ZNF385D: variants seen among roughly 807,000 people sequenced by gnomAD.
The protein encoded by ZNF385D is zinc finger protein 385D.
A neutral mutation model predicts 35.8 loss-of-function variants in ZNF385D; 15 were observed. That is an observed-to-expected ratio of 0.42 (90% CI 0.28 to 0.64). The LOEUF (loss-of-function observed/expected upper bound fraction) is 0.64, where lower values mean the gene tolerates loss of function less well. Ranked by LOEUF, ZNF385D falls within the 30% of genes least tolerant of loss-of-function variation. The pLI is 0.23. For missense variants in ZNF385D, 474 were observed against 494.6 expected, an observed-to-expected ratio of 0.96 and a Z score of 0.39; for synonymous variants, 212 against 186.8, an observed-to-expected ratio of 1.13 and a Z score of -1.10.
intron 2 of ZNF385D, among the ~76,000 whole-genome samples, chr3:22,279,576 A>G (rs1343153594): frequency 1.4e-5 from 2 of 145,718 alleles, no homozygotes; most frequent in African/African-American, 2.6e-5. Flanking sequence ...ATATATGTAT[A>G]TACATATACA....
At chr3:21,968,499 G>T (rs1457518242) in intron 3 of ZNF385D, among the ~76,000 whole-genome samples, 6 of 148,806 alleles carry the variant, frequency 4.0e-5, no homozygotes, top group Admixed American at 4.0e-4. Flanking sequence ...AAGTCCTAGA[G>T]CCTCATTCCT....
intron 2 of ZNF385D, among the ~76,000 whole-genome samples, chr3:22,304,990 G>A (rs566761667): frequency 6.6e-6 from 1 of 151,876 alleles, no homozygotes; most frequent in East Asian, 1.9e-4. Flanking sequence ...TGTCAATTTT[G>A]CTTTTTATTA....
chr3:21,858,128 C>T (rs1186232608), intron 3 of ZNF385D, among the ~76,000 whole-genome samples: 2 of 144,072 alleles, frequency 1.4e-5, no homozygotes, highest in Non-Finnish European at 3.0e-5. Flanking sequence ...TGCTACTGCA[C>T]TCATGCCTGG....
At chr3:22,361,825 TA>T (rs1465248672) in intron 2 of ZNF385D, among the ~76,000 whole-genome samples, 1 of 151,816 alleles carries the variant, frequency 6.6e-6, no homozygotes, top group Admixed American at 6.6e-5. Flanking sequence ...CTTCCTTATC[TA>T]AAAAAAGAAA....
intron 3 of ZNF385D, among the ~76,000 whole-genome samples, chr3:22,019,815 T>C (rs1174647300): frequency 2.0e-5 from 3 of 151,810 alleles, no homozygotes; most frequent in Admixed American, 6.6e-5. Flanking sequence ...TTGAAAATTA[T>C]TGAGAACCTT....
intron 3 of ZNF385D, chr3:21,942,789 G>C (rs572216729): frequency 9.2e-5 from 14 of 152,272 alleles, no homozygotes; most frequent in Admixed American, 5.9e-4. Flanking sequence ...ACTTCTATTG[G>C]CAGTTCTTTA....
intron 1 of ZNF385D, among the ~76,000 whole-genome samples, chr3:21,742,899 T>C (rs2069586852): frequency 6.6e-6 from 1 of 152,194 alleles, no homozygotes; most frequent in South Asian, 2.1e-4. Context: ...ATCACTTTTC[T>C]CAATTTTCAT....
chr3:22,072,159 A>G (rs1301644144), intron 3 of ZNF385D, among the ~76,000 whole-genome samples: 1 of 152,056 alleles, frequency 6.6e-6, no homozygotes, highest in Non-Finnish European at 1.5e-5. Flanking sequence ...CCTCTATTCT[A>G]AGTTAGTTTT....
intron 2 of ZNF385D, among the ~76,000 whole-genome samples, chr3:22,255,628 C>T (rs1403472548): frequency 6.6e-6 from 1 of 151,538 alleles, no homozygotes; most frequent in East Asian, 1.9e-4. Flanking sequence ...CTGCCTATTT[C>T]TCAGCCTTTA....
upstream of ZNF385D, chr3:21,751,348 G>C (rs1285526434): frequency 9.5e-7 from 1 of 1,048,630 alleles, no homozygotes; most frequent in Admixed American, 5.2e-5. Flanking sequence ...ACTTGGGAAG[G>C]GGCGGAGTGA....
rs557478025 is a variant in ZNF385D at position 21,587,623 on chromosome 3, A to AACTT, written c.166-22943_166-22940dup. ...TGAGATGTGTAGTAGATATGTAAGAAACTTAAAATAAGGTTGAAGAGTTTT... is the reference window on the plus strand; with the variant it reads ...TGAGATGTGTAGTAGATATGTAAGAAACTTACTTAAAATAAGGTTGAAGAGTTTT... On this transcript the variant is annotated intron_variant, in intron 2 of 7. Transcript: ENST00000281523. 4.4e-4 allele frequency among the ~76,000 whole-genome samples: 67 copies of AACTT among 152,302 alleles called. 1 individual carries two copies. In the South Asian group the frequency reaches 0.013, roughly 31 times the overall value.
chr3:21,743,074 A>G (rs1436611964), intron 1 of ZNF385D, among the ~76,000 whole-genome samples: 2 of 152,198 alleles, frequency 1.3e-5, no homozygotes, highest in African/African-American at 4.8e-5. Flanking sequence ...TTACAAAGAA[A>G]CAAAACTTTA....
intron 2 of ZNF385D, among the ~76,000 whole-genome samples, chr3:22,252,567 T>C (rs916380031): frequency 5.9e-5 from 9 of 152,122 alleles, no homozygotes; most frequent in African/African-American, 1.7e-4. Context: ...TTAATGATTA[T>C]TGGGTGCTGT....
At chr3:21,978,518 G>A (rs969874420) in intron 3 of ZNF385D, among the ~76,000 whole-genome samples, 31 of 152,176 alleles carry the variant, frequency 2.0e-4, no homozygotes, top group African/African-American at 7.5e-4. Context: ...TTAAGTTATT[G>A]CTAAATTGTC....
chr3:21,636,359 T>C (rs1371559336), intron 2 of ZNF385D, among the ~76,000 whole-genome samples: 1 of 132,590 alleles, frequency 7.5e-6, no homozygotes, highest in Non-Finnish European at 1.6e-5. Context: ...TATGATTATA[T>C]ATGATTATAT....
At chr3:21,821,801 A>AT (rs941997499) in intron 3 of ZNF385D, among the ~76,000 whole-genome samples, 2 of 151,566 alleles carry the variant, frequency 1.3e-5, no homozygotes, top group African/African-American at 4.8e-5. Flanking sequence ...TCTCTACAAA[A>AT]TTTTTTTTAA....
At chr3:21,905,203 TCC>T (rs1656578171) in intron 3 of ZNF385D, among the ~76,000 whole-genome samples, 4 of 14,836 alleles carry the variant, frequency 2.7e-4, no homozygotes, top group African/African-American at 6.0e-4. Context: ...TAACAAAAAA[TCC>T]AAAAAAAAAA....
At chr3:21,680,773 C>T (rs1446066593) in intron 1 of ZNF385D, among the ~76,000 whole-genome samples, 1 of 152,012 alleles carries the variant, frequency 6.6e-6, no homozygotes, top group Non-Finnish European at 1.5e-5. Context: ...GGCAGTCTTG[C>T]CTATAGCTTA....
At chr3:21,614,838 C>T (rs1168834740) in intron 2 of ZNF385D, among the ~76,000 whole-genome samples, 18 of 152,188 alleles carry the variant, frequency 1.2e-4, no homozygotes, top group Non-Finnish European at 1.2e-4. Flanking sequence ...CTGCCTGCCT[C>T]GGCCTCCCGA....
Sources: allele counts gnomAD v4.1 joint callset (sites outside exome capture counted in the v4.1 genomes callset), GRCh38; gene constraint gnomAD v4.1.1; transcripts MANE v1.5; gene names NCBI Gene and HGNC (gene_info 2026-07-23, HGNC 2026-07-21).